Variants in CNTN5 observed in about 807,000 individuals in gnomAD.
CNTN5 encodes contactin-5.
In CNTN5, 77 loss-of-function variants were observed where a neutral mutation model predicts 129.1. The observed-to-expected ratio is 0.60, with a 90% confidence interval of 0.50 to 0.72. The LOEUF (loss-of-function observed/expected upper bound fraction) is 0.72. CNTN5 is among the 30% of genes least tolerant of loss of function. CNTN5 has a pLI of 0.00. For synonymous variants in CNTN5, 509 were observed against 465.6 expected, an observed-to-expected ratio of 1.09 and a Z score of -1.20; for missense variants, 1,478 against 1,328.8, an observed-to-expected ratio of 1.11 and a Z score of -1.75.
intron 1 of CNTN5, among the ~76,000 whole-genome samples, chr11:99,080,225 A>G (rs1368885745): frequency 2.6e-5 from 4 of 152,164 alleles, no homozygotes; most frequent in Non-Finnish European, 5.9e-5. Flanking sequence ...TTATTTATTG[A>G]ATATATTAAT....
chr11:99,732,983 T>C (rs1345034524), intron 3 of CNTN5, among the ~76,000 whole-genome samples: 1 of 152,134 alleles, frequency 6.6e-6, no homozygotes, highest in Non-Finnish European at 1.5e-5. Flanking sequence ...CTTAGGAATT[T>C]TTTCAGCGTA....
chr11:99,853,353 G>A (rs1209639369), intron 6 of CNTN5, among the ~76,000 whole-genome samples: 3 of 151,744 alleles, frequency 2.0e-5, no homozygotes, highest in African/African-American at 2.4e-5. Context: ...TATATATGTA[G>A]CAGGTATGTG....
intron 1 of CNTN5, among the ~76,000 whole-genome samples, chr11:99,043,890 G>A (rs1039350906): frequency 8.5e-5 from 13 of 152,126 alleles, no homozygotes; most frequent in African/African-American, 2.9e-4. Context: ...TATTTCATGT[G>A]ACCATTTCAG....
At chr11:99,434,424 A>G (rs1419137072) in intron 2 of CNTN5, among the ~76,000 whole-genome samples, 2 of 152,174 alleles carry the variant, frequency 1.3e-5, no homozygotes, top group African/African-American at 2.4e-5. Context: ...GTACAACATT[A>G]TATTATATAT....
intron 3 of CNTN5, among the ~76,000 whole-genome samples, chr11:99,793,228 G>C (rs1235854): frequency 6.6e-6 from 1 of 151,822 alleles, no homozygotes; most frequent in East Asian, 2.0e-4. Flanking sequence ...CCCAACTAAT[G>C]TTTTGTATTT....
At chr11:99,131,472 T>G (rs938101083) in intron 1 of CNTN5, among the ~76,000 whole-genome samples, 21 of 151,618 alleles carry the variant, frequency 1.4e-4, no homozygotes, top group African/African-American at 5.1e-4. Context: ...CCGGAACTGG[T>G]TTTTTGAAAA....
At chr11:99,027,075 C>A (rs7948049) in intron 1 of CNTN5, among the ~76,000 whole-genome samples, 80,282 of 151,114 alleles carry the variant, frequency 0.53, 24,307 homozygotes, top group African/African-American at 0.82. Flanking sequence ...TATGCACTCA[C>A]CAGCTACATC....
intron 3 of CNTN5, among the ~76,000 whole-genome samples, chr11:99,593,510 T>G (rs1412597790): frequency 6.6e-6 from 1 of 152,198 alleles, no homozygotes; most frequent in African/African-American, 2.4e-5. Context: ...AAGCATGCTA[T>G]GACAGAATAG....
At chr11:99,138,657 G>T (rs2135455133) in intron 1 of CNTN5, among the ~76,000 whole-genome samples, 1 of 152,242 alleles carries the variant, frequency 6.6e-6, no homozygotes, top group South Asian at 2.1e-4. Flanking sequence ...CTTGTTCAAA[G>T]AAACTATATC....
At chr11:99,316,731 C>CA (rs559211939) in intron 1 of CNTN5, among the ~76,000 whole-genome samples, 23,150 of 128,034 alleles carry the variant, frequency 0.18, 2,171 homozygotes, top group African/African-American at 0.31. Flanking sequence ...TGAACTGAGT[C>CA]AAAAAAAAAA....
chr11:99,033,395 C>T (rs1863509127), intron 1 of CNTN5, among the ~76,000 whole-genome samples: 1 of 151,668 alleles, frequency 6.6e-6, no homozygotes, highest in African/African-American at 2.4e-5. Context: ...TCTTCCTACC[C>T]ATGAGCATGG....
chr11:99,249,069 T>C (rs1020105041), intron 1 of CNTN5, among the ~76,000 whole-genome samples: 1 of 152,176 alleles, frequency 6.6e-6, no homozygotes, highest in Non-Finnish European at 1.5e-5. Context: ...TATGGCCATT[T>C]TCATGATATT....
chr11:100,174,128 G>T (rs1267479231), intron 13 of CNTN5, among the ~76,000 whole-genome samples: 1 of 152,192 alleles, frequency 6.6e-6, no homozygotes, highest in African/African-American at 2.4e-5. Flanking sequence ...ATAGTTAAAG[G>T]CAACGGTTAG....
chr11:100,315,209 A>G (rs1437963675), intron 21 of CNTN5, among the ~76,000 whole-genome samples: 1 of 152,140 alleles, frequency 6.6e-6, no homozygotes, highest in Non-Finnish European at 1.5e-5. Flanking sequence ...ATTTGTCAGT[A>G]ATCTACTTAC....
intron 17 of CNTN5, among the ~76,000 whole-genome samples, chr11:100,264,450 C>T (rs762526255): frequency 1.6e-4 from 25 of 152,230 alleles, no homozygotes; most frequent in Non-Finnish European, 2.6e-4. Context: ...CCTCATTTTT[C>T]AGTTCCCACT....
intron 1 of CNTN5, among the ~76,000 whole-genome samples, chr11:99,040,978 T>C (rs1418033732): frequency 6.6e-6 from 1 of 152,096 alleles, no homozygotes; most frequent in Non-Finnish European, 1.5e-5. Flanking sequence ...ATCATCAACT[T>C]AGGAGGAACT....
rs890411592 is a variant in CNTN5 at position 99,249,171 on chromosome 11, A to G, written c.-209-76175A>G. 3.9e-5 allele frequency among the ~76,000 whole-genome samples: 6 copies of G among 151,980 alleles called. No individual in the cohort carries two copies. In the South Asian group the frequency reaches 1.0e-3, roughly 26 times the overall value. On this transcript the variant is annotated intron_variant, in intron 1 of 24. Transcript: ENST00000524871. ...CAGTGGTTTGTAGTTCTCCTTGAAG[A>G]GGTCTTTCATGTCCCTTGTAAGTTG...
At chr11:100,011,770 G>T (rs548877837) in intron 9 of CNTN5, among the ~76,000 whole-genome samples, 2 of 152,040 alleles carry the variant, frequency 1.3e-5, no homozygotes, top group Non-Finnish European at 2.9e-5. Context: ...AAAGCCACTA[G>T]TTATCAATTC....
At chr11:99,041,678 C>G (rs1483060463) in intron 1 of CNTN5, among the ~76,000 whole-genome samples, 4 of 152,052 alleles carry the variant, frequency 2.6e-5, no homozygotes, top group Non-Finnish European at 5.9e-5. Context: ...AGCATAATAG[C>G]AATAAAGAGC....
Sources: gnomAD v4.1 joint callset for allele counts (sites outside exome capture counted in the v4.1 genomes callset) on GRCh38, gnomAD v4.1.1 for gene constraint, MANE v1.5 for transcripts, NCBI Gene and HGNC (gene_info 2026-07-23, HGNC 2026-07-21) for gene names.